The following TRIO variants were observed in gnomAD, a reference collection of about 807,000 sequenced individuals.
The protein encoded by TRIO is trio Rho guanine nucleotide exchange factor.
TRIO carries 58 observed loss-of-function variants against 351.9 expected under a neutral mutation model. The observed-to-expected ratio is 0.16, with a 90% CI of 0.13 to 0.21. The LOEUF (loss-of-function observed/expected upper bound fraction) is 0.21. Among genes scored for constraint, TRIO ranks in the 10% least tolerant of loss-of-function variants. The pLI is 1.00. For synonymous variants in TRIO, 1,758 were observed against 1,595.7 expected (o/e 1.10, Z -2.42); for missense variants, 3,201 against 4,027.8 (o/e 0.79, Z 5.56).
intron 37 of TRIO, among the ~76,000 whole-genome samples, chr5:14,470,911 C>G (rs1754633793): frequency 6.6e-6 from 1 of 152,214 alleles, no homozygotes; most frequent in South Asian, 2.1e-4. Context: ...AGGTGCCACA[C>G]TGGCCTGACC....
At chr5:14,271,125 C>T (rs1449640500) in intron 2 of TRIO, among the ~76,000 whole-genome samples, 1 of 152,218 alleles carries the variant, frequency 6.6e-6, no homozygotes, top group Non-Finnish European at 1.5e-5. Context: ...GATGAAAATA[C>T]ATTTGTTTCT....
At chr5:14,150,309 G>T (rs753329050) in intron 1 of TRIO, among the ~76,000 whole-genome samples, 7 of 152,082 alleles carry the variant, frequency 4.6e-5, no homozygotes, top group Non-Finnish European at 8.8e-5. Flanking sequence ...GGAGTTAGGG[G>T]GTGGGGGAGT....
chr5:14,466,226 A>G (rs1013713796), intron 37 of TRIO: 1 of 156,544 alleles, frequency 6.4e-6, no homozygotes, highest in East Asian at 1.8e-4. Context: ...CTCACTGCAC[A>G]TACCCTGCCT....
chr5:14,144,306 C>T (rs1420416372), intron 1 of TRIO, among the ~76,000 whole-genome samples: 2 of 152,146 alleles, frequency 1.3e-5, no homozygotes, highest in Non-Finnish European at 2.9e-5. Context: ...GAGCCGGGGC[C>T]GGTCCGGGAC....
rs189105001 is a variant in TRIO at position 14,246,759 on chromosome 5, C to A, written c.158-24066C>A. 2.0e-5 allele frequency among the ~76,000 whole-genome samples: 3 copies of A among 152,336 alleles called. No individual in the cohort carries two copies. The East Asian group carries it at 5.8e-4, about 29-fold the overall frequency. ...AAGGAAAAGGGTAACACTCTTTTGA[C>A]TCAGCCATTCCCTGCCATTCTGTTG... On this transcript the variant is annotated intron_variant, in intron 1 of 56. Transcript: ENST00000344204.
intron 10 of TRIO, among the ~76,000 whole-genome samples, chr5:14,335,565 A>T (rs1561355893): frequency 2.6e-5 from 4 of 152,154 alleles, no homozygotes. Context: ...GCCTCAGATT[A>T]TTAGGAATTA....
chr5:14,421,677 G>A (rs1287009389), intron 34 of TRIO, among the ~76,000 whole-genome samples: 1 of 152,050 alleles, frequency 6.6e-6, no homozygotes, highest in Non-Finnish European at 1.5e-5. Flanking sequence ...GCAGGTGTGG[G>A]TCAGAAGTAA....
chr5:14,504,131 G>T (rs1328181352), intron 54 of TRIO, among the ~76,000 whole-genome samples: 1 of 152,358 alleles, frequency 6.6e-6, no homozygotes, highest in South Asian at 2.1e-4. Flanking sequence ...TCCACCACAC[G>T]CAGTGCTGGG....
chr5:14,478,421 G>T (rs560886370), intron 41 of TRIO, among the ~76,000 whole-genome samples: 1 of 152,178 alleles, frequency 6.6e-6, no homozygotes, highest in Admixed American at 6.5e-5. Context: ...CATCTTAGTG[G>T]TATTTAGAAA....
chr5:14,232,127 G>T (rs889482023), intron 1 of TRIO, among the ~76,000 whole-genome samples: 15 of 152,194 alleles, frequency 9.9e-5, no homozygotes, highest in Admixed American at 4.6e-4. Flanking sequence ...GGAGACTGAA[G>T]ATGAGAGACC....
Position 14,508,074 on chromosome 5 carries a change from A to G in TRIO, c.8946A>G (p.Thr2982=), listed in dbSNP as rs372729569. 13 of 1,614,112 alleles carry G rather than the reference A, an allele frequency of 8.1e-6. 1 individual carries two copies. Among genetic ancestry groups the G allele is most frequent in the African/African-American group, 8.0e-5 (6 of 74,936 alleles). Residue 2982 remains threonine, a synonymous_variant, in exon 57 of 57, where the codon ACA becomes ACG. Transcript: ENST00000344204. Reference sequence around the variant, plus strand: ...ATACGTGGAGTGTTGGAGTGCTCACATACGTACTTCTTAGTGGCGTGTCCC... The same window carrying G: ...ATACGTGGAGTGTTGGAGTGCTCACGTACGTACTTCTTAGTGGCGTGTCCC... ...TSDTWSVGVL[T]YVLLSGVSPF... is the part of the protein sequence containing the mutation.
At position 14,280,413 on chromosome 5, in the gene TRIO, T is replaced by C. The variant is rs149869545; in HGVS notation, c.324T>C (p.Ile108=). The part of the protein sequence containing the change: ...RIRQEDLRRL[I]SYLACIPSEE... ...GACAGGAGGATCTCAGGAGACTCATTTCCTATCTAGCCTGTATTCCCAGGT... is the reference window on the plus strand; with the variant it reads ...GACAGGAGGATCTCAGGAGACTCATCTCCTATCTAGCCTGTATTCCCAGGT... The change falls in exon 3 of 57, where the codon ATT becomes ATC. Residue 108 remains isoleucine, a synonymous_variant. Coordinates refer to ENST00000344204, the MANE Select transcript of TRIO (RefSeq NM_007118.4). 35 of 1,614,160 alleles carry C rather than the reference T, an allele frequency of 2.2e-5. No individual in the cohort carries two copies. In the African/African-American group the frequency reaches 4.3e-4, roughly 20 times the overall value.
chr5:14,185,740 C>T (rs1457069417), intron 1 of TRIO, among the ~76,000 whole-genome samples: 7 of 152,256 alleles, frequency 4.6e-5, no homozygotes, highest in South Asian at 2.1e-4. Flanking sequence ...CTCTTACAGA[C>T]GGGTTGATTT....
intron 11 of TRIO, among the ~76,000 whole-genome samples, chr5:14,341,271 T>G (rs1461840029): frequency 1.3e-5 from 2 of 152,260 alleles, no homozygotes; most frequent in African/African-American, 4.8e-5. Flanking sequence ...ACTGTTTATT[T>G]GTTCATTCAC....
intron 34 of TRIO, among the ~76,000 whole-genome samples, chr5:14,451,856 CA>C (rs1561506299): frequency 6.6e-6 from 1 of 152,238 alleles, no homozygotes; most frequent in Non-Finnish European, 1.5e-5. Context: ...ATCAAGACAT[CA>C]TTTCATTGTT....
intron 34 of TRIO, among the ~76,000 whole-genome samples, chr5:14,453,720 A>G (rs939608066): frequency 1.4e-4 from 22 of 152,158 alleles, no homozygotes; most frequent in Admixed American, 1.4e-3. Context: ...TGGATCATCC[A>G]TCTGGGCCTT....
chr5:14,275,987 T>TAC (rs1231450358), intron 2 of TRIO, among the ~76,000 whole-genome samples: 8 of 148,416 alleles, frequency 5.4e-5, no homozygotes, highest in South Asian at 4.2e-4. Context: ...TATATATATA[T>TAC]ACACACACAC....
chr5:14,254,120 A>T lies in TRIO; in HGVS notation c.158-16705A>T, dbSNP rs534547053. Among the ~76,000 whole-genome samples, 16 of 152,326 alleles carry T rather than the reference A, an allele frequency of 1.1e-4. No homozygotes were observed. In the South Asian group the frequency reaches 3.3e-3, roughly 32 times the overall value. On this transcript the variant is annotated intron_variant, in intron 1 of 56. Transcript: ENST00000344204. The stretch of plus-strand genomic sequence containing the variant: ...TATCTAGATATTAGGTGGACAGAAT[A>T]GTAAAGTAAGTAATAAATAGAACCC...
chr5:14,480,189 G>A (rs888346720), intron 43 of TRIO, among the ~76,000 whole-genome samples, 178 bp downstream of exon 43: 2 of 151,720 alleles, frequency 1.3e-5, no homozygotes, highest in Non-Finnish European at 2.9e-5. Flanking sequence ...GTGAGGTGGC[G>A]GGACAGACTC....
Sources: allele counts gnomAD v4.1 joint callset (sites outside exome capture counted in the v4.1 genomes callset), GRCh38; gene constraint gnomAD v4.1.1; transcripts MANE v1.5; gene names NCBI Gene and HGNC (gene_info 2026-07-23, HGNC 2026-07-21).